CFHR1: variants seen among roughly 807,000 people sequenced by gnomAD.
CFHR1 encodes the protein complement factor H-related protein 1.
Under a neutral mutation model 30.4 loss-of-function variants are expected in CFHR1, and 22 were observed. That is an observed-to-expected ratio of 0.72 (90% confidence interval 0.52 to 1.03). CFHR1 has a LOEUF of 1.03. CFHR1 is among the 50% of genes least tolerant of loss of function. The pLI is 0.00. For missense variants in CFHR1, 248 were observed against 380.6 expected (o/e 0.65, Z 2.90); for synonymous variants, 95 against 129.1 (o/e 0.74, Z 1.79).
chr1:196,829,704 T>G lies in CFHR1; in HGVS notation c.608-796T>G, dbSNP rs1465403152. Among the ~76,000 whole-genome samples the G allele has an allele frequency of 3.7e-5, 5 of 135,412 alleles. 1 individual carries two copies. Among genetic ancestry groups the G allele is most frequent in the East Asian group, 3.9e-4 (2 of 5,130 alleles). The allele number at this position is 135,412 out of a possible 152,430, so 88.8% of individuals were successfully genotyped here. ...TCCCCTCAAGGAAAAGCATAGTTTTTGTCTAGTTGCTTTCAAGGTATTTTT... is the reference window on the plus strand; with the variant it reads ...TCCCCTCAAGGAAAAGCATAGTTTTGGTCTAGTTGCTTTCAAGGTATTTTT... On this transcript the variant is annotated intron_variant, in intron 4 of 5. Transcript: ENST00000320493.
In CFHR1 at chr1:196,829,017, A is replaced by G. The variant is rs1340204963; in HGVS notation, c.607+771A>G. 2.1e-4 allele frequency among the ~76,000 whole-genome samples: 28 copies of G among 134,082 alleles called. 8 individuals are homozygous for G. Among genetic ancestry groups the G allele is most frequent in the African/African-American group, 8.6e-4 (27 of 31,298 alleles). 88.0% of individuals were successfully genotyped at this position (134,082 alleles called of 152,430 possible). On this transcript the variant is annotated intron_variant, in intron 4 of 5. Transcript: ENST00000320493. Reference sequence around the variant, plus strand: ...TTTCTGTCTGTTCCCTCTGGGTTTCAGTCCTATTTCCCTATTCCTCCATTC... The same window carrying G: ...TTTCTGTCTGTTCCCTCTGGGTTTCGGTCCTATTTCCCTATTCCTCCATTC...
In CFHR1 at chr1:196,827,944, A is replaced by G. The variant is rs1395562413; in HGVS notation, c.431-126A>G. On this transcript the variant is annotated intron_variant, in intron 3 of 5. Transcript: ENST00000320493. The stretch of plus-strand genomic sequence containing the variant: ...TATTACATTTAAATTTATTAAAATC[A>G]ACAAAATATTTGATGAGATTGTCTA... The G allele has an allele frequency of 4.5e-6, 4 of 880,764 alleles. No individual in the cohort carries two copies. In the East Asian group the frequency reaches 9.3e-5, roughly 21 times the overall value. The allele number at this position is 880,764 out of a possible 1,614,324, so 54.6% of individuals were successfully genotyped here.
chr1:196,827,647 A>G lies in CFHR1; in HGVS notation c.431-423A>G, dbSNP rs1455794386. 1.5e-5 allele frequency among the ~76,000 whole-genome samples: 2 copies of G among 135,000 alleles called. 1 individual carries two copies. Among genetic ancestry groups the G allele is most frequent in the African/African-American group, 6.3e-5 (2 of 31,556 alleles). 88.6% of individuals were successfully genotyped at this position (135,000 alleles called of 152,430 possible). ...TTGTGTTTATTTTTAAGAGGCTAAA[A>G]TGTATAAGCAGGATGATTGCAAACA... On this transcript the variant is annotated intron_variant, in intron 3 of 5. Transcript: ENST00000320493.
chr1:196,830,438 A>G, intron 4 of CFHR1, 62 bp from the exon 5 acceptor site: 3 of 1,479,092 alleles, frequency 2.0e-6, no homozygotes, highest in Non-Finnish European at 2.8e-6. Flanking sequence ...TATTTGCCTT[A>G]TTTGAACTTG....
intron 2 of CFHR1, among the ~76,000 whole-genome samples, chr1:196,826,530 T>C (rs1334911332): frequency 7.4e-6 from 1 of 134,516 alleles, no homozygotes; most frequent in African/African-American, 3.2e-5. Flanking sequence ...AACTCACTGC[T>C]ACCTCTGCCT....
In CFHR1 at chr1:196,831,067, G is replaced by A. The variant is rs1450373379; in HGVS notation, c.790+385G>A. On this transcript the variant is annotated intron_variant, in intron 5 of 5. Transcript: ENST00000320493. ...AAATGGCGGGAACCCGGGAGGCGGA[G>A]CTTGCAGTGAGCCGAGTTCGCGCCA... 1.5e-5 allele frequency among the ~76,000 whole-genome samples: 2 copies of A among 135,450 alleles called. 1 individual carries two copies. Among genetic ancestry groups the A allele is most frequent in the South Asian group, 5.1e-4 (2 of 3,922 alleles). The allele number at this position is 135,450 out of a possible 152,430, so 88.9% of individuals were successfully genotyped here.
chr1:196,825,656 A>G lies in CFHR1; in HGVS notation c.238A>G (p.Thr80Ala). Reference protein sequence around the residue: ...ITCTEEGWSPTPKCLRLCFFP... With the variant: ...ITCTEEGWSPAPKCLRLCFFP... The stretch of plus-strand genomic sequence containing the variant: ...ATGCACAGAAGAAGGATGGTCACCA[A>G]CACCAAAGTGTCTCAGTGAGTAAAT... Residue 80 changes from threonine (T) to alanine (A), a missense_variant, in exon 2 of 6, where the codon ACA becomes GCA. By Grantham distance (58) the Thr-to-Ala change is moderately conservative. This residue lies in a region of CFHR1 where 121 missense variants were observed against 162.6 expected (regional missense o/e 0.74). Coordinates refer to ENST00000320493, the MANE Select transcript of CFHR1 (RefSeq NM_002113.3). 12 of 1,523,708 alleles carry G rather than the reference A, an allele frequency of 7.9e-6. 3 individuals are homozygous for G. Among genetic ancestry groups the G allele is most frequent in the South Asian group, 2.5e-5 (2 of 80,196 alleles). 94.4% of individuals were successfully genotyped at this position (1,523,708 alleles called of 1,614,324 possible).
At chr1:196,830,383 C>G in intron 4 of CFHR1, 117 bp from the exon 5 acceptor site, 1 of 1,167,044 alleles carries the variant, frequency 8.6e-7, no homozygotes, top group Non-Finnish European at 1.2e-6. Flanking sequence ...ATTTCTTTTA[C>G]CAGAAATCAC....
At chr1:196,823,476 C>T (rs1469710957) in intron 1 of CFHR1, among the ~76,000 whole-genome samples, 3 of 134,674 alleles carry the variant, frequency 2.2e-5, no homozygotes, top group East Asian at 3.9e-4. Flanking sequence ...GGGAGTCTTT[C>T]CCTCAACACC....
At position 196,830,826 on chromosome 1, in the gene CFHR1, T is replaced by A. The variant is rs1204221171; in HGVS notation, c.790+144T>A. On this transcript the variant is annotated intron_variant, in intron 5 of 5. Coordinates refer to ENST00000320493, the MANE Select transcript of CFHR1 (RefSeq NM_002113.3). Reference sequence around the variant, plus strand: ...CAAAAATTTCTTTTAGAAAGTAAAGTTTAGAAATTTTCTCTTTAGGGCTGG... The same window carrying A: ...CAAAAATTTCTTTTAGAAAGTAAAGATTAGAAATTTTCTCTTTAGGGCTGG... 2 of 1,174,312 alleles carry A rather than the reference T, an allele frequency of 1.7e-6. 1 individual carries two copies. The highest frequency in any genetic ancestry group is 2.4e-6 in the Non-Finnish European group (2 of 839,276). 72.7% of individuals were successfully genotyped at this position (1,174,312 alleles called of 1,614,324 possible). A position where few individuals can be genotyped will look rare whatever the true frequency, so the allele number is the denominator to read the frequency against.
chr1:196,825,120 A>G, intron 1 of CFHR1: 1 of 163,282 alleles, frequency 6.1e-6, no homozygotes, highest in Non-Finnish European at 1.2e-5. Context: ...GAACAACCCT[A>G]TCACTTTTCT....
In CFHR1 at chr1:196,831,920, G is replaced by C; in HGVS notation, c.914G>C (p.Arg305Pro). The C allele has an allele frequency of 1.3e-6, 2 of 1,525,512 alleles. No individual in the cohort carries two copies. Among genetic ancestry groups the C allele is most frequent in the Non-Finnish European group, 1.8e-6 (2 of 1,129,278 alleles). 94.5% of individuals were successfully genotyped at this position (1,525,512 alleles called of 1,614,324 possible). Residue 305 changes from arginine (R) to proline (P), a missense_variant, in exon 6 of 6, where the codon CGT becomes CCT. Arg to Pro is a moderately radical substitution (Grantham distance 103, BLOSUM62 -2). Around this residue, in one of 3 missense-constraint regions of CFHR1, gnomAD observed 112 missense variants for 156.4 expected, o/e 0.72. Coordinates refer to ENST00000320493, the MANE Select transcript of CFHR1 (RefSeq NM_002113.3). ...GAATTTGTGTGTAAACGGGGATATC[G>C]TCTTTCATCACGTTCTCACACATTG... ...SAEFVCKRGY[R>P]LSSRSHTLRT...
chr1:196,822,697 A>G (rs1319080634), intron 1 of CFHR1, among the ~76,000 whole-genome samples: 1 of 134,366 alleles, frequency 7.4e-6, no homozygotes, highest in Non-Finnish European at 1.6e-5. Flanking sequence ...TTTCTTCTAG[A>G]ATAGTTCCTG....
rs550490556 is a variant in CFHR1, at chr1:196,830,128, C to A, written c.608-372C>A. Among the ~76,000 whole-genome samples, 2 of 135,074 alleles carry A rather than the reference C, an allele frequency of 1.5e-5. 1 individual carries two copies. Among genetic ancestry groups the A allele is most frequent in the Non-Finnish European group, 3.1e-5 (2 of 64,236 alleles). The allele number at this position is 135,074 out of a possible 152,430, so 88.6% of individuals were successfully genotyped here. On this transcript the variant is annotated intron_variant, in intron 4 of 5. Coordinates refer to ENST00000320493, the MANE Select transcript of CFHR1 (RefSeq NM_002113.3). ...ATAATTCCTACGGGATTTTTAAGAA[C>A]CATCATCAATTTCAAAACCCGTGTC...
chr1:196,826,987 C>T lies in CFHR1; in HGVS notation c.412C>T (p.Pro138Ser). Reference protein sequence around the residue: ...SCVERGWSTPPKCRSTDTSCV... With the variant: ...SCVERGWSTPSKCRSTDTSCV... Reference sequence around the variant, plus strand: ...TGTAGAACGGGGCTGGTCCACCCCTCCCAAATGCAGGTCCACTGGTAAGTA... The same window carrying T: ...TGTAGAACGGGGCTGGTCCACCCCTTCCAAATGCAGGTCCACTGGTAAGTA... The change falls in exon 3 of 6, where the codon CCC becomes TCC. Residue 138 changes from proline to serine, a missense_variant. Around this residue, in one of 3 missense-constraint regions of CFHR1, gnomAD observed 121 missense variants for 162.6 expected, o/e 0.74. Coordinates refer to ENST00000320493, the MANE Select transcript of CFHR1 (RefSeq NM_002113.3). 1.3e-6 allele frequency: 2 copies of T among 1,522,634 alleles called. No homozygotes were observed. The highest frequency in any genetic ancestry group is 8.9e-7 in the Non-Finnish European group (1 of 1,128,294). The allele number at this position is 1,522,634 out of a possible 1,614,324, so 94.3% of individuals were successfully genotyped here. A position where few individuals can be genotyped will look rare whatever the true frequency, so the allele number is the denominator to read the frequency against.
chr1:196,824,345 C>G (rs432450), intron 1 of CFHR1, among the ~76,000 whole-genome samples: 2,316 of 131,928 alleles, frequency 0.018, 439 homozygotes, highest in Non-Finnish European at 0.029. Context: ...GCAACCTCCC[C>G]CTCCTGGGTT....
chr1:196,827,452 T>C (rs1655375611), intron 3 of CFHR1, among the ~76,000 whole-genome samples: 1 of 135,848 alleles, frequency 7.4e-6, no homozygotes, highest in Admixed American at 7.1e-5. Flanking sequence ...TCCTTAATCA[T>C]TGGCAATTAA....
rs147253539 is a variant in CFHR1 at position 196,830,616 on chromosome 1, C to A, written c.724C>A (p.Gln242Lys). 2 of 1,523,822 alleles carry A rather than the reference C, an allele frequency of 1.3e-6. 1 individual carries two copies. The allele number at this position is 1,523,822 out of a possible 1,614,324, so 94.4% of individuals were successfully genotyped here. The change falls in exon 5 of 6, where the codon CAA (glutamine) becomes AAA (lysine). Residue 242 changes from glutamine to lysine, a missense_variant. This residue lies in a region of CFHR1 where 112 missense variants were observed against 156.4 expected (regional missense o/e 0.72). Coordinates refer to ENST00000320493, the MANE Select transcript of CFHR1 (RefSeq NM_002113.3). ...TGAGTACCAATGCCAGAACTTGTAT[C>A]AACTTGAGGGTAACAAGCGAATAAC... The part of the protein sequence containing the change: ...SVEYQCQNLY[Q>K]LEGNKRITCR...
chr1:196,822,315 G>A (rs1655147178), intron 1 of CFHR1, among the ~76,000 whole-genome samples: 1 of 128,358 alleles, frequency 7.8e-6, no homozygotes, highest in Non-Finnish European at 1.6e-5. Flanking sequence ...GATGCACCCA[G>A]GATAGACTAA....
Sources: allele counts gnomAD v4.1 joint callset (sites outside exome capture counted in the v4.1 genomes callset), GRCh38; gene constraint gnomAD v4.1.1; regional missense constraint gnomAD v4.1.1; transcripts MANE v1.5; gene names NCBI Gene and HGNC (gene_info 2026-07-23, HGNC 2026-07-21).